Variants in PTPRT observed in about 807,000 individuals in gnomAD.
The protein encoded by PTPRT is protein tyrosine phosphatase receptor type T.
In PTPRT, 56 loss-of-function variants were observed where a neutral mutation model predicts 176.8. That is an observed-to-expected ratio of 0.32 (90% CI 0.26 to 0.40). The LOEUF (loss-of-function observed/expected upper bound fraction) is 0.40, where lower values mean the gene tolerates loss of function less well. Ranked by LOEUF, PTPRT falls within the 10% of genes least tolerant of loss-of-function variation. PTPRT has a pLI of 1.00. For synonymous variants in PTPRT, 783 were observed against 739.0 expected (o/e 1.06, Z -0.96); for missense variants, 1,540 against 1,908.2 (o/e 0.81, Z 3.60).
chr20:42,691,258 TG>T (rs1389440804), intron 6 of PTPRT, among the ~76,000 whole-genome samples: 5 of 151,564 alleles, frequency 3.3e-5, no homozygotes, highest in Non-Finnish European at 5.9e-5. Flanking sequence ...AGAAAGGGGG[TG>T]GTAGGGAGTG....
intron 16 of PTPRT, among the ~76,000 whole-genome samples, chr20:42,162,603 G>C (rs992026525): frequency 3.9e-5 from 6 of 152,150 alleles, no homozygotes; most frequent in African/African-American, 1.2e-4. Context: ...CTATGCCCCA[G>C]ACCATCTTGT....
chr20:42,257,264 G>T (rs534040493), intron 13 of PTPRT, among the ~76,000 whole-genome samples: 4 of 152,184 alleles, frequency 2.6e-5, no homozygotes, highest in Non-Finnish European at 4.4e-5. Context: ...TGACTTTCAG[G>T]ACAGCCGGGT....
At chr20:42,534,060 G>T (rs2072432219) in intron 7 of PTPRT, among the ~76,000 whole-genome samples, 1 of 152,188 alleles carries the variant, frequency 6.6e-6, no homozygotes, top group African/African-American at 2.4e-5. Context: ...AGGGAGGCAG[G>T]TCGGGAGAAG....
chr20:42,545,032 G>A (rs576459018), intron 7 of PTPRT, among the ~76,000 whole-genome samples: 1 of 152,282 alleles, frequency 6.6e-6, no homozygotes, highest in African/African-American at 2.4e-5. Context: ...TAGCAGTGCT[G>A]TGAAGGAACA....
Position 42,282,695 on chromosome 20 carries a change from T to C in PTPRT, c.2140-170A>G, listed in dbSNP as rs372466187. Among the ~76,000 whole-genome samples, 81 of 152,292 alleles carry C rather than the reference T, an allele frequency of 5.3e-4. No homozygotes were observed. The South Asian group carries it at 0.017, about 31-fold the overall frequency. ...TTTTCCCCATCGGATGACCTTTTAA[T>C]TCCATTTTTTAATTTTTTTCTCAGG... On this transcript the variant is annotated intron_variant, in intron 12 of 30. Transcript: ENST00000373187.
At chr20:43,118,600 C>T (rs576216145) in intron 1 of PTPRT, among the ~76,000 whole-genome samples, 10 of 152,202 alleles carry the variant, frequency 6.6e-5, no homozygotes, top group East Asian at 1.9e-4. Flanking sequence ...CCACCATGCC[C>T]GGCTAATTTT....
chr20:42,277,970 C>G (rs749791681), intron 13 of PTPRT, among the ~76,000 whole-genome samples: 2 of 149,778 alleles, frequency 1.3e-5, no homozygotes, highest in African/African-American at 4.9e-5. Context: ...CCAGTATATG[C>G]TGAGATCTGG....
At chr20:43,167,097 G>C (rs1222915393) in intron 1 of PTPRT, among the ~76,000 whole-genome samples, 1 of 152,174 alleles carries the variant, frequency 6.6e-6, no homozygotes, top group Non-Finnish European at 1.5e-5. Context: ...CGTCATGTTA[G>C]TCAAGTCAGA....
rs549224451 is a variant in PTPRT at position 42,473,674 on chromosome 20, T to C, written c.1154-1112A>G. On this transcript the variant is annotated intron_variant, in intron 7 of 30. Transcript: ENST00000373187. ...TATTTTTTCACATATGGGGTCTCTC[T>C]ATGTTGCCCAGGCTGGTCTCAAACT... Among the ~76,000 whole-genome samples the C allele has an allele frequency of 1.1e-3, 170 of 152,292 alleles. 1 individual carries two copies. The highest frequency in any genetic ancestry group is 1.8e-3 in the Admixed American group (27 of 15,296).
intron 17 of PTPRT, among the ~76,000 whole-genome samples, chr20:42,160,618 C>T (rs1410754588): frequency 6.6e-6 from 1 of 152,146 alleles, no homozygotes; most frequent in Non-Finnish European, 1.5e-5. Context: ...CCTTAGAAGG[C>T]CTTACCAGCA....
chr20:43,042,259 T>C (rs1306360558), intron 1 of PTPRT, among the ~76,000 whole-genome samples: 1 of 152,190 alleles, frequency 6.6e-6, no homozygotes, highest in African/African-American at 2.4e-5. Flanking sequence ...TCAGGGCCAA[T>C]TCCCTTTGTA....
intron 7 of PTPRT, among the ~76,000 whole-genome samples, chr20:42,523,195 C>T (rs1461263405): frequency 6.6e-6 from 1 of 152,112 alleles, no homozygotes; most frequent in East Asian, 1.9e-4. Context: ...CCAGGAAGTA[C>T]CTGTTAGTTA....
chr20:42,538,786 C>T (rs1252412877), intron 7 of PTPRT, among the ~76,000 whole-genome samples: 1 of 152,154 alleles, frequency 6.6e-6, no homozygotes, highest in South Asian at 2.1e-4. Flanking sequence ...AGTAATCTGC[C>T]ACTTCCAGTC....
intron 1 of PTPRT, among the ~76,000 whole-genome samples, chr20:42,939,455 T>G (rs1481977199): frequency 6.6e-6 from 1 of 152,234 alleles, no homozygotes; most frequent in Non-Finnish European, 1.5e-5. Context: ...TCCCCCCTCC[T>G]TTTCCTTTCC....
intron 11 of PTPRT, among the ~76,000 whole-genome samples, chr20:42,331,078 AG>A (rs1568781417): frequency 1.3e-5 from 2 of 152,166 alleles, no homozygotes; most frequent in Non-Finnish European, 2.9e-5. Context: ...TCTGTACCCT[AG>A]TGGAGAGCCA....
intron 7 of PTPRT, among the ~76,000 whole-genome samples, chr20:42,584,016 G>A (rs2073426359): frequency 6.6e-6 from 1 of 152,142 alleles, no homozygotes; most frequent in African/African-American, 2.4e-5. Flanking sequence ...TGATCTGGCT[G>A]AGCCCAGCCC....
intron 1 of PTPRT, among the ~76,000 whole-genome samples, chr20:42,970,601 T>C (rs1312170074): frequency 2.6e-5 from 4 of 152,202 alleles, no homozygotes; most frequent in South Asian, 4.1e-4. Flanking sequence ...GAGGATTAAA[T>C]GAGATTGTAT....
intron 1 of PTPRT, among the ~76,000 whole-genome samples, chr20:42,887,664 G>A (rs982560744): frequency 1.4e-4 from 22 of 152,186 alleles, no homozygotes; most frequent in African/African-American, 5.1e-4. Flanking sequence ...TGGACATCCT[G>A]TTGACAGATC....
intron 9 of PTPRT, among the ~76,000 whole-genome samples, chr20:42,355,715 A>G (rs529572610): frequency 6.6e-6 from 1 of 152,272 alleles, no homozygotes; most frequent in Non-Finnish European, 1.5e-5. Flanking sequence ...CCAGTGCACC[A>G]GTGGAGAGGA....
Sources: allele counts gnomAD v4.1 joint callset (sites outside exome capture counted in the v4.1 genomes callset), GRCh38; gene constraint gnomAD v4.1.1; transcripts MANE v1.5; gene names NCBI Gene and HGNC (gene_info 2026-07-23, HGNC 2026-07-21).